The following LOC128125817 variants were observed in gnomAD, a reference collection of about 807,000 sequenced individuals.
At chr1:41,628,233 T>C in the LOC128125817 span, among the ~76,000 whole-genome samples, 1 of 152,128 alleles carries the variant, frequency 6.6e-6, no homozygotes, top group Non-Finnish European at 1.5e-5. Flanking sequence ...TCTTCACAAC[T>C]TGGGGGCAGG....
chr1:41,617,269 G>A, the LOC128125817 span, among the ~76,000 whole-genome samples: 1 of 152,126 alleles, frequency 6.6e-6, no homozygotes, highest in Non-Finnish European at 1.5e-5. Context: ...TCCATAGGCC[G>A]GATTTCCAGA....
the LOC128125817 span, among the ~76,000 whole-genome samples, chr1:41,586,718 C>T: frequency 3.4e-3 from 520 of 152,204 alleles, 1 homozygote; most frequent in African/African-American, 0.01. Context: ...AGGGCAGGGC[C>T]CTCGGACACT....
At chr1:41,611,625 C>T in the LOC128125817 span, among the ~76,000 whole-genome samples, 2 of 152,340 alleles carry the variant, frequency 1.3e-5, no homozygotes, top group South Asian at 2.1e-4. Flanking sequence ...TCAACCACTT[C>T]CCCATTTCAC....
the LOC128125817 span, among the ~76,000 whole-genome samples, chr1:41,610,836 T>G: frequency 1.3e-5 from 2 of 152,224 alleles, no homozygotes; most frequent in Admixed American, 6.5e-5. Flanking sequence ...ACTCAGGGAA[T>G]GTACTGTTTG....
the LOC128125817 span, among the ~76,000 whole-genome samples, chr1:41,608,872 G>T: frequency 6.7e-6 from 1 of 148,610 alleles, no homozygotes; most frequent in Non-Finnish European, 1.5e-5. Context: ...AGGAGTTTGG[G>T]ACCAGCCTGA....
At chr1:41,598,247 G>C in the LOC128125817 span, among the ~76,000 whole-genome samples, 1 of 152,196 alleles carries the variant, frequency 6.6e-6, no homozygotes, top group South Asian at 2.1e-4. Context: ...GCAGTGGCCT[G>C]ATCTCTTGTC....
chr1:41,598,172 G>A, the LOC128125817 span, among the ~76,000 whole-genome samples: 2 of 152,158 alleles, frequency 1.3e-5, no homozygotes, highest in Admixed American at 1.3e-4. Context: ...TTGTCTTCTG[G>A]CCATTTGTGT....
the LOC128125817 span, among the ~76,000 whole-genome samples, chr1:41,624,202 G>C: frequency 1.3e-5 from 2 of 151,940 alleles, no homozygotes; most frequent in Admixed American, 6.6e-5. Flanking sequence ...CTCAGCATCC[G>C]TGGCCCCTCC....
chr1:41,589,408 C>T, the LOC128125817 span, among the ~76,000 whole-genome samples: 5 of 152,202 alleles, frequency 3.3e-5, no homozygotes, highest in Admixed American at 6.5e-5. Flanking sequence ...GGAAGGAGAT[C>T]GGGACTTGCT....
chr1:41,585,447 A>C, the LOC128125817 span: 1 of 397,366 alleles, frequency 2.5e-6, no homozygotes, highest in Non-Finnish European at 4.4e-6. Context: ...CTCAAAAGTT[A>C]ACCAGGGAAA....
chr1:41,626,970 G>A, the LOC128125817 span, among the ~76,000 whole-genome samples: 1 of 152,206 alleles, frequency 6.6e-6, no homozygotes, highest in Non-Finnish European at 1.5e-5. Context: ...GTTTCCTTAT[G>A]TGCACAACAG....
chr1:41,600,879 C>T, the LOC128125817 span, among the ~76,000 whole-genome samples: 2 of 152,098 alleles, frequency 1.3e-5, no homozygotes, highest in East Asian at 3.8e-4. Context: ...ACATCCAAGT[C>T]TTTAATCCAT....
chr1:41,606,315 A>G, the LOC128125817 span, among the ~76,000 whole-genome samples: 7 of 151,996 alleles, frequency 4.6e-5, no homozygotes, highest in Non-Finnish European at 1.0e-4. Context: ...ATGAGCAATA[A>G]AATTTGTCCA....
At chr1:41,590,481 C>A in the LOC128125817 span, among the ~76,000 whole-genome samples, 1 of 152,182 alleles carries the variant, frequency 6.6e-6, no homozygotes, top group Non-Finnish European at 1.5e-5. Context: ...CAGGAAGGAA[C>A]ATGGATGTGG....
chr1:41,594,786 T>C, the LOC128125817 span, among the ~76,000 whole-genome samples: 1 of 152,318 alleles, frequency 6.6e-6, no homozygotes, highest in Admixed American at 6.5e-5. Context: ...TCACATCCAA[T>C]ATTACTTTTT....
the LOC128125817 span, among the ~76,000 whole-genome samples, chr1:41,613,334 G>A: frequency 7.9e-5 from 12 of 152,258 alleles, no homozygotes; most frequent in Admixed American, 3.3e-4. Flanking sequence ...TTTGGAACGC[G>A]TGGGGCGGGT....
At chr1:41,627,880 A>ATCCC in the LOC128125817 span, among the ~76,000 whole-genome samples, 3 of 150,460 alleles carry the variant, frequency 2.0e-5, no homozygotes, top group Non-Finnish European at 3.0e-5. Flanking sequence ...CCCTCCGTCC[A>ATCCC]TCCCTCCCTC....
At chr1:41,594,673 G>A in the LOC128125817 span, among the ~76,000 whole-genome samples, 2 of 152,132 alleles carry the variant, frequency 1.3e-5, no homozygotes, top group African/African-American at 2.4e-5. Context: ...CATATAGGTT[G>A]CAGATATCTT....
the LOC128125817 span, among the ~76,000 whole-genome samples, chr1:41,613,197 C>T: frequency 5.9e-5 from 9 of 152,376 alleles, no homozygotes; most frequent in African/African-American, 1.7e-4. Flanking sequence ...AATGGGTTTC[C>T]CAATAGGCTT....
Sources: gnomAD v4.1 joint callset for allele counts (sites outside exome capture counted in the v4.1 genomes callset) on GRCh38, gnomAD v4.1.1 for gene constraint, MANE v1.5 for transcripts.